PPP2R2B: variants seen among roughly 807,000 people sequenced by gnomAD.
PPP2R2B encodes serine/threonine-protein phosphatase 2A 55 kDa regulatory subunit B beta isoform.
A neutral mutation model predicts 46.0 loss-of-function variants in PPP2R2B; 5 were observed. That is an observed-to-expected ratio of 0.11 (90% CI 0.06 to 0.23). The LOEUF is 0.23. Ranked by LOEUF, PPP2R2B falls within the 10% of genes least tolerant of loss-of-function variation. PPP2R2B has a pLI of 1.00. For synonymous variants in PPP2R2B, 215 were observed against 206.7 expected, an observed-to-expected ratio of 1.04 and a Z score of -0.34; for missense variants, 367 against 575.0, an observed-to-expected ratio of 0.64 and a Z score of 3.70.
chr5:146,637,908 C>T (rs1368430878), intron 7 of PPP2R2B, among the ~76,000 whole-genome samples: 2 of 152,206 alleles, frequency 1.3e-5, no homozygotes, highest in African/African-American at 4.8e-5. Flanking sequence ...CCAGGCCACC[C>T]TTCAACGGTC....
chr5:146,729,250 G>T (rs1752080708), intron 2 of PPP2R2B, among the ~76,000 whole-genome samples: 1 of 152,174 alleles, frequency 6.6e-6, no homozygotes, highest in South Asian at 2.1e-4. Context: ...AGAGATTTGT[G>T]AAACTTTGAA....
At chr5:146,707,110 G>A (rs1425242378) in intron 2 of PPP2R2B, 28 of 1,586,552 alleles carry the variant, frequency 1.8e-5, no homozygotes, top group Admixed American at 5.0e-5. Flanking sequence ...CAGCCCCTGC[G>A]TGTTGCCAAG....
intron 2 of PPP2R2B, among the ~76,000 whole-genome samples, chr5:146,810,384 T>G (rs548311731): frequency 1.8e-4 from 27 of 152,276 alleles, no homozygotes; most frequent in African/African-American, 5.5e-4. Flanking sequence ...TGCGTGAGAC[T>G]TACTCACTAC....
At chr5:146,737,096 G>C (rs115875332) in intron 2 of PPP2R2B, among the ~76,000 whole-genome samples, 1,550 of 152,172 alleles carry the variant, frequency 0.01, 23 homozygotes, top group African/African-American at 0.035. Context: ...TTCAAATCCT[G>C]GTGTGTATTT....
In PPP2R2B at chr5:146,589,321, CAAAAAA is replaced by C. The variant is rs1193138389; in HGVS notation, c.*620_*625del. The C allele has an allele frequency of 6.6e-6, 1 of 152,236 alleles. No individual in the cohort carries two copies. The highest frequency in any genetic ancestry group is 1.9e-4 in the East Asian group (1 of 5,188). 9.4% of individuals were successfully genotyped at this position (152,236 alleles called of 1,614,324 possible). A position where few individuals can be genotyped will look rare whatever the true frequency, so the allele number is the denominator to read the frequency against. On this transcript the variant is annotated 3_prime_UTR_variant, in exon 10 of 10. Transcript: ENST00000394411. Reference sequence around the variant, plus strand: ...TCTCAGGCTGTTTCTATGGAGCTTACAAAAAAAGAGCATAGCAGGGTTGATGTGCCC... The same window carrying C: ...TCTCAGGCTGTTTCTATGGAGCTTACAGAGCATAGCAGGGTTGATGTGCCC...
At chr5:146,946,306 T>C (rs1764481279) in intron 1 of PPP2R2B, among the ~76,000 whole-genome samples, 1 of 152,084 alleles carries the variant, frequency 6.6e-6, no homozygotes, top group Non-Finnish European at 1.5e-5. Context: ...GTCTTCCCCC[T>C]GTCCCCCCAC....
intron 1 of PPP2R2B, among the ~76,000 whole-genome samples, chr5:146,935,575 T>A (rs938715234): frequency 2.6e-5 from 4 of 152,018 alleles, no homozygotes; most frequent in Admixed American, 1.3e-4. Flanking sequence ...CCCAGCAATA[T>A]GTGGGGATGG....
intron 2 of PPP2R2B, among the ~76,000 whole-genome samples, chr5:146,844,175 G>A (rs1214616967): frequency 2.4e-5 from 3 of 124,382 alleles, no homozygotes; most frequent in African/African-American, 1.1e-4. Context: ...GACACAGGAA[G>A]GGGAATATCA....
intron 2 of PPP2R2B, among the ~76,000 whole-genome samples, chr5:146,852,816 CAT>C (rs1561959762): frequency 6.6e-6 from 1 of 152,054 alleles, no homozygotes; most frequent in Non-Finnish European, 1.5e-5. Flanking sequence ...TTATCAGAAA[CAT>C]AGAAGTGACA....
intron 2 of PPP2R2B, among the ~76,000 whole-genome samples, chr5:146,702,600 C>T (rs1458358511): frequency 6.6e-6 from 1 of 152,176 alleles, no homozygotes; most frequent in Non-Finnish European, 1.5e-5. Flanking sequence ...CTGATGTTCT[C>T]ATTGTTTAAA....
chr5:146,645,115 C>T lies in PPP2R2B; in HGVS notation c.625+5432G>A, dbSNP rs76419095. On this transcript the variant is annotated intron_variant, in intron 6 of 9. Transcript: ENST00000394411. ...ATATCCCACTTAAAGTCTGCCAGTA[C>T]TGAAGGTAGAAAATAGTAATATCTT... Among the ~76,000 whole-genome samples the T allele has an allele frequency of 1.8e-3, 273 of 152,306 alleles. 3 individuals are homozygous for T. The highest frequency in any genetic ancestry group is 6.0e-3 in the African/African-American group (250 of 41,560).
chr5:146,581,723 A>G lies in PPP2R2B; in HGVS notation c.*8224T>C, dbSNP rs2150986658. 6.6e-6 allele frequency: 1 copy of G among 152,334 alleles called. No homozygotes were observed. The highest frequency in any genetic ancestry group is 1.9e-4 in the East Asian group (1 of 5,186). 9.4% of individuals were successfully genotyped at this position (152,334 alleles called of 1,614,324 possible). On this transcript the variant is annotated 3_prime_UTR_variant, in exon 10 of 10. Coordinates refer to ENST00000394411, the MANE Select transcript of PPP2R2B (RefSeq NM_181675.4). ...AGTTCTGTATTGTGGCTTGTATGTAATATGACTCACTTTACTTTCCTTTAC... is the reference window on the plus strand; with the variant it reads ...AGTTCTGTATTGTGGCTTGTATGTAGTATGACTCACTTTACTTTCCTTTAC...
intron 4 of PPP2R2B, among the ~76,000 whole-genome samples, chr5:146,696,376 T>C (rs556818221): frequency 1.3e-5 from 2 of 152,326 alleles, no homozygotes; most frequent in South Asian, 4.1e-4. Context: ...AGTGCTGGGA[T>C]TACAGGCGTG....
At chr5:146,915,447 TACACACACAC>T (rs34632167) in intron 1 of PPP2R2B, among the ~76,000 whole-genome samples, 3 of 147,628 alleles carry the variant, frequency 2.0e-5, no homozygotes, top group East Asian at 2.0e-4. Context: ...TCTACCTATG[TACACACACAC>T]ACACACACAC....
At chr5:146,882,220 C>G (rs1261373957), upstream of PPP2R2B, among the ~76,000 whole-genome samples, 1 of 150,804 alleles carries the variant, frequency 6.6e-6, no homozygotes, top group Admixed American at 6.6e-5. Context: ...GAGGTTGCAT[C>G]GCACCACTGC....
chr5:146,773,969 T>C (rs184015049), intron 2 of PPP2R2B, among the ~76,000 whole-genome samples: 405 of 152,344 alleles, frequency 2.7e-3, no homozygotes, highest in African/African-American at 9.2e-3. Flanking sequence ...CCCGTCGTAA[T>C]AGGTAATGTC....
intron 2 of PPP2R2B, among the ~76,000 whole-genome samples, chr5:147,075,613 G>GAAGAT (rs1375954683): frequency 3.3e-5 from 5 of 152,118 alleles, no homozygotes; most frequent in African/African-American, 4.8e-5. Flanking sequence ...TGAAGCTCAT[G>GAAGAT]ATTTTTCTCC....
intron 2 of PPP2R2B, among the ~76,000 whole-genome samples, chr5:146,786,209 A>G (rs183540207): frequency 6.6e-6 from 1 of 152,238 alleles, no homozygotes; most frequent in Non-Finnish European, 1.5e-5. Context: ...AAAAAGAATC[A>G]CTCAAGATAT....
At chr5:146,634,915 T>C (rs1774704879) in intron 7 of PPP2R2B, among the ~76,000 whole-genome samples, 1 of 152,188 alleles carries the variant, frequency 6.6e-6, no homozygotes, top group Admixed American at 6.5e-5. Flanking sequence ...AAGTATGTGA[T>C]TAACAAATAT....
Sources: allele counts gnomAD v4.1 joint callset (sites outside exome capture counted in the v4.1 genomes callset), GRCh38; gene constraint gnomAD v4.1.1; transcripts MANE v1.5; gene names NCBI Gene and HGNC (gene_info 2026-07-23, HGNC 2026-07-21).